The following FER variants were observed in gnomAD, a reference collection of about 807,000 sequenced individuals.
FER encodes the protein tyrosine-protein kinase Fer.
In FER, 63 loss-of-function variants were observed where a neutral mutation model predicts 111.0. That is an observed-to-expected ratio of 0.57 (90% confidence interval 0.46 to 0.70). The LOEUF (loss-of-function observed/expected upper bound fraction) is 0.70, where lower values mean the gene tolerates loss of function less well. Ranked by LOEUF, FER falls within the 30% of genes least tolerant of loss-of-function variation. FER has a pLI of 0.00. For missense variants in FER, 914 were observed against 954.0 expected (o/e 0.96, Z 0.55); for synonymous variants, 327 against 313.9 (o/e 1.04, Z -0.44).
intron 3 of FER, among the ~76,000 whole-genome samples, chr5:108,820,863 C>T (rs1389388692): frequency 3.9e-5 from 6 of 152,134 alleles, no homozygotes; most frequent in South Asian, 2.1e-4. Flanking sequence ...CAGTGGCTCA[C>T]GCCTGTAATC....
chr5:109,166,757 C>T (rs76901170), intron 17 of FER, among the ~76,000 whole-genome samples: 1 of 152,246 alleles, frequency 6.6e-6, no homozygotes, highest in African/African-American at 2.4e-5. Context: ...ATAACATACC[C>T]TCACATTTAC....
chr5:109,192,928 A>G lies in FER; in HGVS notation c.*5353A>G, dbSNP rs541989243. The G allele has an allele frequency of 2.6e-5, 4 of 152,308 alleles. No individual in the cohort carries two copies. Among genetic ancestry groups the G allele is most frequent in the Admixed American group, 2.6e-4 (4 of 15,292 alleles). The allele number at this position is 152,308 out of a possible 1,614,324, so 9.4% of individuals were successfully genotyped here. On this transcript the variant is annotated 3_prime_UTR_variant, in exon 20 of 20. Coordinates refer to ENST00000281092, the MANE Select transcript of FER (RefSeq NM_005246.4). ...TTAGTCAGGGTGCCTAAGGTAAGAC[A>G]CAAAAAGAAAGAGACATCCAGAAAG...
At chr5:109,060,487 G>A (rs13357674) in intron 16 of FER, among the ~76,000 whole-genome samples, 1 of 151,736 alleles carries the variant, frequency 6.6e-6, no homozygotes, top group Non-Finnish European at 1.5e-5. Context: ...AGATCAAGAC[G>A]ATCCAGGCCA....
At chr5:108,950,203 T>G (rs1213181156) in intron 11 of FER, among the ~76,000 whole-genome samples, 1 of 152,152 alleles carries the variant, frequency 6.6e-6, no homozygotes, top group Non-Finnish European at 1.5e-5. Context: ...TTGGCTTAGT[T>G]GTCTATTTTT....
chr5:109,123,677 T>G (rs1751305895), intron 17 of FER, among the ~76,000 whole-genome samples: 1 of 152,200 alleles, frequency 6.6e-6, no homozygotes. Flanking sequence ...TAATAAAGAT[T>G]CTATACTTTA....
chr5:109,066,891 TG>T (rs567681807), intron 16 of FER, among the ~76,000 whole-genome samples: 48 of 152,278 alleles, frequency 3.2e-4, no homozygotes, highest in African/African-American at 1.1e-3. Flanking sequence ...AATTTTGATA[TG>T]AAAAAAAGTG....
chr5:108,970,905 A>T (rs983897142), intron 13 of FER, among the ~76,000 whole-genome samples: 4 of 152,176 alleles, frequency 2.6e-5, no homozygotes, highest in Non-Finnish European at 4.4e-5. Context: ...CAGAATTGTG[A>T]TGGAAAATGC....
At chr5:108,844,356 A>G (rs557991552) in intron 5 of FER, among the ~76,000 whole-genome samples, 5 of 152,174 alleles carry the variant, frequency 3.3e-5, no homozygotes, top group Non-Finnish European at 7.4e-5. Context: ...CTGTTTTCAA[A>G]TTCATTACAA....
rs546181230 is a variant in FER, at chr5:109,034,849, A to G, written c.1657-2573A>G. On this transcript the variant is annotated intron_variant, in intron 13 of 19. Coordinates refer to ENST00000281092, the MANE Select transcript of FER (RefSeq NM_005246.4). Reference sequence around the variant, plus strand: ...GACTGCCAGATGGCACTCTTAGAAGAATAACATTTGCTTATATATAGGGTT... The same window carrying G: ...GACTGCCAGATGGCACTCTTAGAAGGATAACATTTGCTTATATATAGGGTT... Among the ~76,000 whole-genome samples, 6 of 152,236 alleles carry G rather than the reference A, an allele frequency of 3.9e-5. No homozygotes were observed. In the East Asian group the frequency reaches 1.2e-3, roughly 29 times the overall value.
At chr5:108,860,791 A>T (rs1580918505) in intron 5 of FER, among the ~76,000 whole-genome samples, 2 of 152,220 alleles carry the variant, frequency 1.3e-5, no homozygotes, top group Non-Finnish European at 2.9e-5. Context: ...TTATAAAGAA[A>T]AGAGGTTTAA....
At chr5:108,908,777 G>A (rs1461103849) in intron 10 of FER, among the ~76,000 whole-genome samples, 1 of 152,042 alleles carries the variant, frequency 6.6e-6, no homozygotes, top group African/African-American at 2.4e-5. Flanking sequence ...GCTGGCTCAT[G>A]CCTGTAATCT....
intron 13 of FER, among the ~76,000 whole-genome samples, chr5:108,984,958 A>C (rs939698581): frequency 5.9e-5 from 9 of 152,072 alleles, no homozygotes; most frequent in African/African-American, 2.2e-4. Context: ...AGGTTAGAAA[A>C]CCCACAGAAA....
intron 16 of FER, among the ~76,000 whole-genome samples, chr5:109,053,753 C>G (rs532351458): frequency 7.3e-6 from 1 of 136,104 alleles, no homozygotes; most frequent in Non-Finnish European, 1.5e-5. Context: ...TGCAGTGGTG[C>G]GATCTTGGCT....
rs1366476488 is a variant in FER at position 109,037,289 on chromosome 5, A to C, written c.1657-133A>C. 16 of 658,672 alleles carry C rather than the reference A, an allele frequency of 2.4e-5. No individual in the cohort carries two copies. In the East Asian group the frequency reaches 4.4e-4, roughly 18 times the overall value. 40.8% of individuals were successfully genotyped at this position (658,672 alleles called of 1,614,324 possible). A position where few individuals can be genotyped will look rare whatever the true frequency, so the allele number is the denominator to read the frequency against. The stretch of plus-strand genomic sequence containing the variant: ...TGTTTTACAGCATCTTGGGGTTATA[A>C]CTTCTCAGTGTGCTGTTGATTGAAT... On this transcript the variant is annotated intron_variant, in intron 13 of 19. Coordinates refer to ENST00000281092, the MANE Select transcript of FER (RefSeq NM_005246.4).
At chr5:109,057,656 C>G (rs1022322370) in intron 16 of FER, among the ~76,000 whole-genome samples, 1 of 152,068 alleles carries the variant, frequency 6.6e-6, no homozygotes. Flanking sequence ...CTTAAAGATA[C>G]GAACTACCTA....
intron 10 of FER, among the ~76,000 whole-genome samples, chr5:108,932,197 G>C (rs951425400): frequency 6.6e-6 from 1 of 152,032 alleles, no homozygotes; most frequent in Non-Finnish European, 1.5e-5. Context: ...ACAGGCCCTG[G>C]TGTGTAATAT....
At chr5:109,051,248 C>T (rs1772755129) in intron 16 of FER, 2 of 1,071,310 alleles carry the variant, frequency 1.9e-6, no homozygotes, top group African/African-American at 1.6e-5. Flanking sequence ...ACCTGGTGCA[C>T]TTTCTACAGC....
chr5:108,933,714 T>TA (rs1205788151), intron 10 of FER, among the ~76,000 whole-genome samples: 1 of 152,212 alleles, frequency 6.6e-6, no homozygotes, highest in Non-Finnish European at 1.5e-5. Context: ...ATTTTTACGA[T>TA]ATTGATTCTT....
In FER at chr5:108,843,179, C is replaced by G. The variant is rs1761454525; in HGVS notation, c.481+7372C>G. On this transcript the variant is annotated intron_variant, in intron 5 of 19. Coordinates refer to ENST00000281092, the MANE Select transcript of FER (RefSeq NM_005246.4). ...GAGAACATAACTCAGGTTTTCCGTTCCTGGATTACTTCACTTAGAATAATA... is the reference window on the plus strand; with the variant it reads ...GAGAACATAACTCAGGTTTTCCGTTGCTGGATTACTTCACTTAGAATAATA... Among the ~76,000 whole-genome samples, 3 of 152,296 alleles carry G rather than the reference C, an allele frequency of 2.0e-5. No individual in the cohort carries two copies. The South Asian group carries it at 6.2e-4, about 32-fold the overall frequency.
Sources: gnomAD v4.1 joint callset for allele counts (sites outside exome capture counted in the v4.1 genomes callset) on GRCh38, gnomAD v4.1.1 for gene constraint, MANE v1.5 for transcripts, NCBI Gene and HGNC (gene_info 2026-07-23, HGNC 2026-07-21) for gene names.